CACNA2D3: variants seen among roughly 807,000 people sequenced by gnomAD.
CACNA2D3 encodes voltage-dependent calcium channel subunit alpha-2/delta-3.
A neutral mutation model predicts 160.6 loss-of-function variants in CACNA2D3; 60 were observed. The observed-to-expected ratio is 0.37, with a 90% confidence interval of 0.30 to 0.46. CACNA2D3 has a LOEUF of 0.46. CACNA2D3 is among the 20% of genes least tolerant of loss of function. CACNA2D3 has a pLI of 1.00. For missense variants in CACNA2D3, 1,205 were observed against 1,365.0 expected, an observed-to-expected ratio of 0.88 and a Z score of 1.85; for synonymous variants, 558 against 492.9, an observed-to-expected ratio of 1.13 and a Z score of -1.75.
chr3:54,997,020 CA>C (rs1702873432), intron 31 of CACNA2D3, among the ~76,000 whole-genome samples: 1 of 151,948 alleles, frequency 6.6e-6, no homozygotes, highest in South Asian at 2.1e-4. Flanking sequence ...CGGGGCCTGT[CA>C]GGGGGTGGAG....
chr3:54,738,008 G>T (rs1701568147), intron 11 of CACNA2D3, among the ~76,000 whole-genome samples: 1 of 152,168 alleles, frequency 6.6e-6, no homozygotes, highest in Non-Finnish European at 1.5e-5. Context: ...GCTCTCTCTG[G>T]GGCTGGATAG....
chr3:54,407,980 T>G (rs1370453548), intron 4 of CACNA2D3, among the ~76,000 whole-genome samples: 1 of 152,204 alleles, frequency 6.6e-6, no homozygotes, highest in Non-Finnish European at 1.5e-5. Context: ...CCAATAGTTG[T>G]TAATGGCCTC....
chr3:54,851,181 T>C (rs1486068844), intron 17 of CACNA2D3, among the ~76,000 whole-genome samples: 1 of 152,246 alleles, frequency 6.6e-6, no homozygotes, highest in Non-Finnish European at 1.5e-5. Flanking sequence ...GTGTTTCACA[T>C]GTGTTAATGC....
rs546643530 is a variant in CACNA2D3, at chr3:54,144,174, A to G, written c.204+20580A>G. 1.8e-4 allele frequency among the ~76,000 whole-genome samples: 28 copies of G among 152,338 alleles called. No homozygotes were observed. In the East Asian group the frequency reaches 5.2e-3, roughly 28 times the overall value. On this transcript the variant is annotated intron_variant, in intron 2 of 37. Coordinates refer to ENST00000474759, the MANE Select transcript of CACNA2D3 (RefSeq NM_018398.3). ...TTATTTTGCATTTTCTCCCAACTGT[A>G]TCTTATGAGCATATCCCCTATTACT...
intron 4 of CACNA2D3, among the ~76,000 whole-genome samples, chr3:54,476,277 A>G (rs565102698): frequency 1.7e-4 from 26 of 150,538 alleles, no homozygotes; most frequent in African/African-American, 5.3e-4. Flanking sequence ...TATATATCAC[A>G]TATATCACAT....
At chr3:54,509,566 G>A (rs1341664894) in intron 5 of CACNA2D3, among the ~76,000 whole-genome samples, 1 of 152,144 alleles carries the variant, frequency 6.6e-6, no homozygotes, top group Non-Finnish European at 1.5e-5. Flanking sequence ...TGGACCTAGA[G>A]AAATAACACT....
Position 54,687,556 on chromosome 3 carries a change from G to A in CACNA2D3, c.1167+45315G>A, listed in dbSNP as rs570969401. ...GAAATTGATCTTCTGAAAGCTAGGTGGTTGATATGCCCAAAAGTTTTGAAA... is the reference window on the plus strand; with the variant it reads ...GAAATTGATCTTCTGAAAGCTAGGTAGTTGATATGCCCAAAAGTTTTGAAA... On this transcript the variant is annotated intron_variant, in intron 11 of 37. Transcript: ENST00000474759. Among the ~76,000 whole-genome samples the A allele has an allele frequency of 2.6e-5, 4 of 152,218 alleles. No homozygotes were observed. In the East Asian group the frequency reaches 7.7e-4, roughly 29 times the overall value.
At chr3:55,030,027 T>C (rs1207441150) in intron 35 of CACNA2D3, among the ~76,000 whole-genome samples, 1 of 152,200 alleles carries the variant, frequency 6.6e-6, no homozygotes, top group African/African-American at 2.4e-5. Context: ...CCAGTGGTCA[T>C]ATTCTTCCCT....
intron 5 of CACNA2D3, among the ~76,000 whole-genome samples, chr3:54,562,343 C>T (rs1348249086): frequency 6.6e-6 from 1 of 152,066 alleles, no homozygotes; most frequent in Non-Finnish European, 1.5e-5. Flanking sequence ...AACTTCTAAT[C>T]AGGGACAAGA....
At chr3:55,050,400 A>C (rs1704173388) in intron 35 of CACNA2D3, among the ~76,000 whole-genome samples, 1 of 151,554 alleles carries the variant, frequency 6.6e-6, no homozygotes, top group African/African-American at 2.4e-5. Context: ...TGGGTTGAAA[A>C]TTCTTTTCTT....
chr3:54,164,471 A>G (rs1435673050), intron 2 of CACNA2D3, among the ~76,000 whole-genome samples: 1 of 152,106 alleles, frequency 6.6e-6, no homozygotes, highest in Non-Finnish European at 1.5e-5. Flanking sequence ...CCCTGGAATT[A>G]CCTTTGTCAT....
intron 11 of CACNA2D3, among the ~76,000 whole-genome samples, chr3:54,653,967 T>G (rs1463486605): frequency 6.6e-6 from 1 of 152,146 alleles, no homozygotes; most frequent in African/African-American, 2.4e-5. Flanking sequence ...AGAGTCAAAC[T>G]GTTACCTTAG....
intron 2 of CACNA2D3, among the ~76,000 whole-genome samples, chr3:54,168,797 A>G (rs1449335): frequency 0.84 from 128,069 of 152,210 alleles, 54,556 homozygotes; most frequent in East Asian, 1. Context: ...AGAGTCCAAA[A>G]GCTCAGCCAA....
chr3:54,137,845 C>T (rs1196678173), intron 2 of CACNA2D3, among the ~76,000 whole-genome samples: 2 of 152,182 alleles, frequency 1.3e-5, no homozygotes, highest in African/African-American at 4.8e-5. Flanking sequence ...ATTGATTTCA[C>T]AATATAATAA....
intron 5 of CACNA2D3, among the ~76,000 whole-genome samples, chr3:54,511,112 G>T (rs1186496214): frequency 6.6e-6 from 1 of 152,130 alleles, no homozygotes; most frequent in Non-Finnish European, 1.5e-5. Context: ...ACCTCCTGCT[G>T]AGGGTACTGT....
intron 3 of CACNA2D3, among the ~76,000 whole-genome samples, chr3:54,343,810 A>G (rs1698407862): frequency 6.6e-6 from 1 of 152,218 alleles, no homozygotes; most frequent in Admixed American, 6.5e-5. Flanking sequence ...AAAGAAGGAC[A>G]TAGGATACAT....
chr3:54,403,180 C>T (rs1294344620), intron 4 of CACNA2D3, among the ~76,000 whole-genome samples: 2 of 151,622 alleles, frequency 1.3e-5, no homozygotes, highest in Non-Finnish European at 2.9e-5. Context: ...ACAAGTGAGA[C>T]CTGTCTCTGC....
chr3:54,692,762 G>T (rs1445991409), intron 11 of CACNA2D3, among the ~76,000 whole-genome samples: 1 of 152,210 alleles, frequency 6.6e-6, no homozygotes, highest in Non-Finnish European at 1.5e-5. Flanking sequence ...CTTTCATTCT[G>T]TGGGTAGATG....
chr3:54,672,757 C>T (rs1411478121), intron 11 of CACNA2D3, among the ~76,000 whole-genome samples: 1 of 152,150 alleles, frequency 6.6e-6, no homozygotes, highest in Non-Finnish European at 1.5e-5. Context: ...TCGGCTGTCC[C>T]GTGTGTGAGT....
Sources: gnomAD v4.1 joint callset for allele counts (sites outside exome capture counted in the v4.1 genomes callset) on GRCh38, gnomAD v4.1.1 for gene constraint, MANE v1.5 for transcripts, NCBI Gene and HGNC (gene_info 2026-07-23, HGNC 2026-07-21) for gene names.